Variants in AFF3 observed in about 807,000 individuals in gnomAD.
AFF3 encodes ALF transcription elongation factor 3, also known as AF4/FMR2 family member 3.
In AFF3, 32 loss-of-function variants were observed where a neutral mutation model predicts 129.7. The ratio of observed to expected loss-of-function variants is 0.25; its 90% CI spans 0.19 to 0.33. The LOEUF is 0.33. Ranked by LOEUF, AFF3 falls within the 10% of genes least tolerant of loss-of-function variation. The pLI is 1.00. For missense variants in AFF3, 1,373 were observed against 1,592.0 expected (o/e 0.86, Z 2.34); for synonymous variants, 644 against 635.4 (o/e 1.01, Z -0.20).
chr2:99,940,602 C>G (rs574225165), intron 7 of AFF3, among the ~76,000 whole-genome samples: 1 of 152,176 alleles, frequency 6.6e-6, no homozygotes, highest in Non-Finnish European at 1.5e-5. Flanking sequence ...AGGAAGTTAC[C>G]CTATATGGTC....
intron 9 of AFF3, among the ~76,000 whole-genome samples, chr2:99,746,080 T>G (rs1448052966): frequency 1.3e-5 from 2 of 151,858 alleles, no homozygotes; most frequent in African/African-American, 4.8e-5. Flanking sequence ...CTATATAATT[T>G]ATCCATGTAA....
At chr2:100,061,032 A>G (rs552098711) in intron 4 of AFF3, among the ~76,000 whole-genome samples, 11 of 152,284 alleles carry the variant, frequency 7.2e-5, no homozygotes, top group African/African-American at 2.6e-4. Context: ...CTCACTCATC[A>G]CTAGACCCAG....
chr2:99,688,977 A>C (rs1233298095), intron 11 of AFF3, among the ~76,000 whole-genome samples: 1 of 152,138 alleles, frequency 6.6e-6, no homozygotes, highest in Non-Finnish European at 1.5e-5. Context: ...CCCCACCTGG[A>C]ATCCAACGAG....
intron 7 of AFF3, among the ~76,000 whole-genome samples, chr2:99,917,558 G>C (rs1484039556): frequency 6.6e-6 from 1 of 152,166 alleles, no homozygotes; most frequent in Non-Finnish European, 1.5e-5. Flanking sequence ...GTCAAGGAAG[G>C]TGAACAACCC....
At chr2:99,641,503 C>T (rs1316357136) in intron 13 of AFF3, among the ~76,000 whole-genome samples, 1 of 152,066 alleles carries the variant, frequency 6.6e-6, no homozygotes, top group African/African-American at 2.4e-5. Context: ...CATGGTGAAA[C>T]CCCATCTCTA....
intron 4 of AFF3, among the ~76,000 whole-genome samples, chr2:100,017,807 T>C (rs149806865): frequency 6.6e-6 from 1 of 152,298 alleles, no homozygotes; most frequent in African/African-American, 2.4e-5. Flanking sequence ...CGACATCACT[T>C]AGATGTGAAG....
At chr2:100,056,793 TA>T (rs988523981) in intron 4 of AFF3, among the ~76,000 whole-genome samples, 17 of 152,172 alleles carry the variant, frequency 1.1e-4, no homozygotes, top group African/African-American at 3.6e-4. Flanking sequence ...AGTATTGTTT[TA>T]AAACTCTTAT....
At position 99,710,124 on chromosome 2, in the gene AFF3, C is replaced by A. The variant is rs556329266; in HGVS notation, c.1091+16953G>T. Among the ~76,000 whole-genome samples, 4 of 152,252 alleles carry A rather than the reference C, an allele frequency of 2.6e-5. No homozygotes were observed. In the East Asian group the frequency reaches 7.7e-4, roughly 29 times the overall value. ...TCCTTTCTGAGTTGCTATAAAGATT[C>A]GAAGAGCTGATTCATGTATAGGGTG... On this transcript the variant is annotated intron_variant, in intron 11 of 24. Coordinates refer to ENST00000672756, the MANE Select transcript of AFF3 (RefSeq NM_001386135.1).
intron 4 of AFF3, among the ~76,000 whole-genome samples, chr2:100,053,529 A>C (rs977867395): frequency 6.6e-6 from 1 of 152,260 alleles, no homozygotes; most frequent in African/African-American, 2.4e-5. Flanking sequence ...CTTTTAGACC[A>C]GGAAAGATAA....
At chr2:99,959,173 A>G (rs1290261627) in intron 7 of AFF3, among the ~76,000 whole-genome samples, 1 of 152,076 alleles carries the variant, frequency 6.6e-6, no homozygotes, top group Non-Finnish European at 1.5e-5. Flanking sequence ...GGGAAGAAAA[A>G]GGAGGTAGCA....
intron 12 of AFF3, among the ~76,000 whole-genome samples, chr2:99,668,773 G>T (rs1686905513): frequency 1.3e-5 from 2 of 151,374 alleles, no homozygotes; most frequent in Admixed American, 6.6e-5. Flanking sequence ...TGTTGGTCAG[G>T]CTGGTCTTGA....
intron 7 of AFF3, among the ~76,000 whole-genome samples, chr2:99,947,238 C>T (rs373207121): frequency 2.0e-4 from 30 of 152,030 alleles, no homozygotes; most frequent in South Asian, 8.3e-4. Flanking sequence ...GTCAGGAGTT[C>T]GAGACCAGTC....
intron 7 of AFF3, among the ~76,000 whole-genome samples, chr2:99,877,238 A>T (rs1692367806): frequency 6.6e-6 from 1 of 152,176 alleles, no homozygotes; most frequent in Non-Finnish European, 1.5e-5. Context: ...GGGTTGGATG[A>T]ATGACTCGTC....
At chr2:99,639,433 A>G (rs1312806576) in intron 13 of AFF3, among the ~76,000 whole-genome samples, 7 of 152,208 alleles carry the variant, frequency 4.6e-5, no homozygotes, top group Non-Finnish European at 1.5e-5. Flanking sequence ...TTTTGTGACT[A>G]TAGATGGTAC....
intron 7 of AFF3, among the ~76,000 whole-genome samples, chr2:99,973,682 A>G (rs1393200606): frequency 2.0e-5 from 3 of 151,800 alleles, no homozygotes; most frequent in South Asian, 4.2e-4. Context: ...GGTAAATACC[A>G]TCTTCAGTTT....
chr2:99,765,568 T>A (rs1405134741), intron 8 of AFF3, among the ~76,000 whole-genome samples: 3 of 152,210 alleles, frequency 2.0e-5, no homozygotes, highest in Non-Finnish European at 4.4e-5. Flanking sequence ...AATCATTCTA[T>A]CTTGCAGGAT....
chr2:99,781,118 TC>T (rs1283692573), intron 8 of AFF3, among the ~76,000 whole-genome samples: 1 of 152,142 alleles, frequency 6.6e-6, no homozygotes. Flanking sequence ...AATGATTTTC[TC>T]CAAACAAACC....
chr2:100,047,217 T>G (rs772167874), intron 4 of AFF3, among the ~76,000 whole-genome samples: 1 of 152,246 alleles, frequency 6.6e-6, no homozygotes, highest in Non-Finnish European at 1.5e-5. Flanking sequence ...CTGAGCCACA[T>G]GCTACGTGGA....
chr2:99,815,232 T>C (rs1687130112), intron 8 of AFF3, among the ~76,000 whole-genome samples: 1 of 152,180 alleles, frequency 6.6e-6, no homozygotes, highest in African/African-American at 2.4e-5. Flanking sequence ...GATGTATCAG[T>C]TGCATTTTTT....
Sources: allele counts gnomAD v4.1 joint callset (sites outside exome capture counted in the v4.1 genomes callset), GRCh38; gene constraint gnomAD v4.1.1; transcripts MANE v1.5; gene names NCBI Gene and HGNC (gene_info 2026-07-23, HGNC 2026-07-21).